The following WDR1 variants were observed in gnomAD, a reference collection of about 807,000 sequenced individuals.
WDR1 encodes WD repeat domain 1.
WDR1 carries 21 observed loss-of-function variants against 71.9 expected under a neutral mutation model. The observed-to-expected ratio is 0.29, with a 90% CI of 0.21 to 0.42. The LOEUF (loss-of-function observed/expected upper bound fraction) is 0.42, where lower values mean the gene tolerates loss of function less well. Ranked by LOEUF, WDR1 falls within the 10% of genes least tolerant of loss-of-function variation. The pLI is 1.00. For synonymous variants in WDR1, 424 were observed against 347.4 expected (o/e 1.22, Z -2.45); for missense variants, 696 against 824.5 (o/e 0.84, Z 1.91).
intron 5 of WDR1, among the ~76,000 whole-genome samples, chr4:10,089,076 A>C (rs1251031566): frequency 8.6e-5 from 13 of 151,982 alleles, no homozygotes. Flanking sequence ...CTCAAGCCCC[A>C]ATCCTTAAGC....
At chr4:10,081,035 A>C (rs1764994730) in intron 11 of WDR1, among the ~76,000 whole-genome samples, 1 of 152,150 alleles carries the variant, frequency 6.6e-6, no homozygotes, top group South Asian at 2.1e-4. Flanking sequence ...AGGCAGGCCC[A>C]CCCCACAGGG....
In WDR1 at chr4:10,109,845, T is replaced by C. The variant is rs75352995; in HGVS notation, c.139-5859A>G. On this transcript the variant is annotated intron_variant, in intron 2 of 14. Transcript: ENST00000499869. ...TCACCTCTCAAAAGAGAGATGAGGG[T>C]ATCCACCCAACAGGGCAGTCATGAA... Among the ~76,000 whole-genome samples, 448 of 152,290 alleles carry C rather than the reference T, an allele frequency of 2.9e-3. 4 individuals carry two copies. The highest frequency in any genetic ancestry group is 0.01 in the African/African-American group (425 of 41,560).
rs556602014 is a variant in WDR1, at chr4:10,104,622, G to C, written c.139-636C>G. The stretch of plus-strand genomic sequence containing the variant: ...GACTAGAAGCATCTTCAGCAATGAG[G>C]TTTCAACATGTAATGTGCTAAAAGT... On this transcript the variant is annotated intron_variant, in intron 2 of 14. Transcript: ENST00000499869. Among the ~76,000 whole-genome samples, 5 of 152,264 alleles carry C rather than the reference G, an allele frequency of 3.3e-5. No homozygotes were observed. In the South Asian group the frequency reaches 1.0e-3, roughly 32 times the overall value.
intron 2 of WDR1, chr4:10,108,444 A>AGG (rs962681549): frequency 1.3e-5 from 2 of 152,244 alleles, no homozygotes; most frequent in African/African-American, 4.8e-5. Context: ...ACACTGATGA[A>AGG]GGGGCCTGCT....
chr4:10,087,290 G>C (rs1026118574), intron 8 of WDR1, among the ~76,000 whole-genome samples: 1 of 152,246 alleles, frequency 6.6e-6, no homozygotes, highest in African/African-American at 2.4e-5. Flanking sequence ...CCTGCCCCTG[G>C]ACCTCAGCGA....
At chr4:10,091,355 G>A (rs943562199) in intron 5 of WDR1, among the ~76,000 whole-genome samples, 2 of 152,232 alleles carry the variant, frequency 1.3e-5, no homozygotes, top group Non-Finnish European at 2.9e-5. Context: ...AGTTTCCCCA[G>A]AAGGCCCGAT....
chr4:10,099,184 GTAAA>G, intron 3 of WDR1, 45 bp from the exon 4 acceptor site: 1 of 450,122 alleles, frequency 2.2e-6, no homozygotes, highest in Non-Finnish European at 4.0e-6. Flanking sequence ...CGGTGGTGGG[GTAAA>G]GGGCAGGGGG....
At chr4:10,080,540 A>G (rs1161965685) in intron 11 of WDR1, among the ~76,000 whole-genome samples, 1 of 152,250 alleles carries the variant, frequency 6.6e-6, no homozygotes, top group African/African-American at 2.4e-5. Flanking sequence ...AACGCAATTA[A>G]GTTCACAAGG....
At chr4:10,085,581 C>G (rs1184848086) in intron 8 of WDR1, among the ~76,000 whole-genome samples, 1 of 152,214 alleles carries the variant, frequency 6.6e-6, no homozygotes, top group East Asian at 1.9e-4. Flanking sequence ...AGAACGTGCA[C>G]TCGGCAAGAG....
rs372286046 is a variant in WDR1, at chr4:10,113,266, CAGG to C, written c.138+2844_138+2846del. ...GTCCCCACTACTCGGGAGGCTGAGG[CAGG>C]AGATTTGCCTGAACCCGGCAGGTGG... On this transcript the variant is annotated intron_variant, in intron 2 of 14. Transcript: ENST00000499869. Among the ~76,000 whole-genome samples, 90 of 152,292 alleles carry C rather than the reference CAGG, an allele frequency of 5.9e-4. 1 individual carries two copies. The East Asian group carries it at 0.014, about 25-fold the overall frequency.
intron 3 of WDR1, among the ~76,000 whole-genome samples, chr4:10,099,576 T>G (rs992782508): frequency 3.9e-5 from 6 of 152,272 alleles, no homozygotes; most frequent in African/African-American, 1.4e-4. Flanking sequence ...GGGACGGCAC[T>G]GGCTACACCT....
At chr4:10,101,851 TAA>T (rs1712701235) in intron 3 of WDR1, among the ~76,000 whole-genome samples, 2 of 152,222 alleles carry the variant, frequency 1.3e-5, no homozygotes, top group East Asian at 1.9e-4. Flanking sequence ...GTTAAACATG[TAA>T]AAGACATTCG....
At chr4:10,116,562 C>A (rs2108813173) in intron 1 of WDR1, 89 bp downstream of exon 1, 11 of 1,031,130 alleles carry the variant, frequency 1.1e-5, no homozygotes, top group Admixed American at 5.1e-5. Context: ...GCCGAGGACT[C>A]CCCCGCCACC....
rs1267168545 is a variant in WDR1, at chr4:10,077,284, G to A, written c.1714+20C>T. On this transcript the variant is annotated intron_variant, in intron 14 of 14. Coordinates refer to ENST00000499869, the MANE Select transcript of WDR1 (RefSeq NM_017491.5). ...CCGAACCATGGGTGGTCCCTGCCAAGGCCTGGGGGCGGAAGTCACCTTGGA... is the reference window on the plus strand; with the variant it reads ...CCGAACCATGGGTGGTCCCTGCCAAAGCCTGGGGGCGGAAGTCACCTTGGA... 1.2e-6 allele frequency: 2 copies of A among 1,613,532 alleles called. No homozygotes were observed. The highest frequency in any genetic ancestry group is 2.2e-5 in the East Asian group (1 of 44,874).
intron 14 of WDR1, chr4:10,076,459 C>T (rs1764801068): frequency 6.6e-6 from 1 of 152,310 alleles, no homozygotes; most frequent in Admixed American, 6.5e-5. Context: ...CTCTATCTGA[C>T]TAGCTCTTGC....
intron 2 of WDR1, among the ~76,000 whole-genome samples, chr4:10,113,973 C>T (rs1040811563): frequency 6.6e-6 from 1 of 152,216 alleles, no homozygotes; most frequent in African/African-American, 2.4e-5. Context: ...TTTCTTCCCT[C>T]TTCCCTCCCT....
intron 5 of WDR1, among the ~76,000 whole-genome samples, chr4:10,090,467 GTA>G (rs1711895627): frequency 6.6e-6 from 1 of 152,184 alleles, no homozygotes; most frequent in African/African-American, 2.4e-5. Context: ...GGCAGTTCTC[GTA>G]GAGAGGCCAC....
intron 1 of WDR1, 88 bp from the exon 2 acceptor site, chr4:10,116,322 G>A: frequency 1.9e-6 from 3 of 1,570,580 alleles, no homozygotes; most frequent in Non-Finnish European, 8.7e-7. Context: ...ACCGGTCTCG[G>A]CCGGTCACCT....
At chr4:10,077,158 G>A (rs1764831027) in intron 14 of WDR1, 146 bp downstream of exon 14, 7 of 1,165,542 alleles carry the variant, frequency 6.0e-6, no homozygotes, top group Non-Finnish European at 8.3e-6. Context: ...TGGATGGAAG[G>A]AGACCCACAA....
Sources: allele counts gnomAD v4.1 joint callset (sites outside exome capture counted in the v4.1 genomes callset), GRCh38; gene constraint gnomAD v4.1.1; transcripts MANE v1.5; gene names NCBI Gene and HGNC (gene_info 2026-07-23, HGNC 2026-07-21).